SEMA5A: variants seen among roughly 807,000 people sequenced by gnomAD.
SEMA5A encodes the protein semaphorin 5A, also known as semaphorin-5A.
Under a neutral mutation model 135.5 loss-of-function variants are expected in SEMA5A, and 55 were observed. The ratio of observed to expected loss-of-function variants is 0.41; its 90% CI spans 0.33 to 0.51. The LOEUF (loss-of-function observed/expected upper bound fraction) is 0.51, where lower values mean the gene tolerates loss of function less well. Among genes scored for constraint, SEMA5A ranks in the 20% least tolerant of loss-of-function variants. The probability of loss-of-function intolerance (pLI) is 0.37; values close to 1 mark genes in which losing one functional copy is unlikely to be tolerated. For missense variants in SEMA5A, 1,290 were observed against 1,419.9 expected (o/e 0.91, Z 1.47); for synonymous variants, 580 against 546.5 (o/e 1.06, Z -0.85).
chr5:9,430,225 G>C (rs268480), intron 2 of SEMA5A, among the ~76,000 whole-genome samples: 2 of 152,024 alleles, frequency 1.3e-5, no homozygotes, highest in African/African-American at 2.4e-5. Context: ...TTAATAAAAT[G>C]AGGAACTCTA....
chr5:9,474,592 T>C (rs550264082), intron 1 of SEMA5A, among the ~76,000 whole-genome samples: 1 of 152,350 alleles, frequency 6.6e-6, no homozygotes, highest in Admixed American at 6.5e-5. Context: ...ACCCACCACG[T>C]GCAAGGCACA....
intron 3 of SEMA5A, among the ~76,000 whole-genome samples, chr5:9,377,415 A>G (rs1488689494): frequency 1.3e-5 from 2 of 152,176 alleles, no homozygotes; most frequent in Non-Finnish European, 2.9e-5. Flanking sequence ...TAATTAAACA[A>G]ATGATAGTAA....
chr5:9,360,614 G>A (rs2126371233), intron 3 of SEMA5A, among the ~76,000 whole-genome samples: 2 of 152,284 alleles, frequency 1.3e-5, no homozygotes, highest in South Asian at 4.1e-4. Flanking sequence ...AAACTGCAAT[G>A]AAAATAATGA....
At chr5:9,329,188 T>G (rs1753006161) in intron 4 of SEMA5A, among the ~76,000 whole-genome samples, 1 of 150,526 alleles carries the variant, frequency 6.6e-6, no homozygotes, top group African/African-American at 2.5e-5. Flanking sequence ...TTCAGGACCC[T>G]TTACTCAGGC....
intron 2 of SEMA5A, among the ~76,000 whole-genome samples, chr5:9,424,291 T>G (rs1757569451): frequency 6.6e-6 from 1 of 152,242 alleles, no homozygotes; most frequent in Admixed American, 6.5e-5. Context: ...TGGAGAATTT[T>G]GCTACTAAGA....
intron 2 of SEMA5A, among the ~76,000 whole-genome samples, chr5:9,435,817 C>T (rs1433487649): frequency 1.3e-5 from 2 of 152,194 alleles, no homozygotes; most frequent in Non-Finnish European, 2.9e-5. Flanking sequence ...GGCCTGTAAG[C>T]GCCAAAATGT....
chr5:9,540,203 G>A (rs1271570033), intron 1 of SEMA5A, among the ~76,000 whole-genome samples: 3 of 152,110 alleles, frequency 2.0e-5, no homozygotes, highest in Non-Finnish European at 2.9e-5. Context: ...ACACAGCTGC[G>A]AACAAAACAG....
chr5:9,315,891 TAC>T (rs2150661484), intron 5 of SEMA5A, among the ~76,000 whole-genome samples: 1 of 152,300 alleles, frequency 6.6e-6, no homozygotes, highest in African/African-American at 2.4e-5. Context: ...TATAGGTAAG[TAC>T]TTTAAGACTA....
intron 2 of SEMA5A, among the ~76,000 whole-genome samples, chr5:9,421,158 G>A (rs1025770739): frequency 6.6e-6 from 1 of 152,208 alleles, no homozygotes; most frequent in African/African-American, 2.4e-5. Flanking sequence ...CTAGTGTACT[G>A]CCTTCTGTAT....
chr5:9,243,692 G>A (rs1024958088), intron 5 of SEMA5A, among the ~76,000 whole-genome samples: 5 of 152,172 alleles, frequency 3.3e-5, no homozygotes, highest in African/African-American at 1.2e-4. Flanking sequence ...TTTAATGTGA[G>A]AGGTACTATT....
intron 11 of SEMA5A, among the ~76,000 whole-genome samples, chr5:9,176,938 C>A (rs867978469): frequency 3.3e-5 from 5 of 152,208 alleles, no homozygotes; most frequent in Admixed American, 6.5e-5. Context: ...TTAAAATATA[C>A]CCCATTGCTT....
intron 15 of SEMA5A, among the ~76,000 whole-genome samples, chr5:9,111,878 G>A (rs1351246661): frequency 6.6e-6 from 1 of 152,170 alleles, no homozygotes; most frequent in Non-Finnish European, 1.5e-5. Flanking sequence ...CCTGAGAGAA[G>A]CCCCTCTTAT....
chr5:9,511,160 C>A (rs1052811806), intron 1 of SEMA5A, among the ~76,000 whole-genome samples: 2 of 152,142 alleles, frequency 1.3e-5, no homozygotes, highest in East Asian at 1.9e-4. Context: ...ATAATATATT[C>A]TTTAACTCTT....
intron 11 of SEMA5A, among the ~76,000 whole-genome samples, chr5:9,189,673 G>A (rs140216170): frequency 4.4e-4 from 67 of 152,282 alleles, no homozygotes; most frequent in African/African-American, 1.5e-3. Context: ...ACCCAGAGCC[G>A]TCTGTGTAAT....
intron 5 of SEMA5A, among the ~76,000 whole-genome samples, chr5:9,269,085 C>T (rs1749834092): frequency 6.6e-6 from 1 of 152,100 alleles, no homozygotes; most frequent in Non-Finnish European, 1.5e-5. Flanking sequence ...ACACACAGCA[C>T]ATGTGGTGGG....
At chr5:9,458,143 G>A (rs1028956534) in intron 1 of SEMA5A, among the ~76,000 whole-genome samples, 9 of 151,698 alleles carry the variant, frequency 5.9e-5, no homozygotes, top group African/African-American at 9.7e-5. Flanking sequence ...TCCTGACCTC[G>A]TGATCCGCCC....
intron 5 of SEMA5A, among the ~76,000 whole-genome samples, chr5:9,290,722 G>A (rs1302306617): frequency 7.2e-5 from 11 of 152,094 alleles, no homozygotes; most frequent in Admixed American, 4.6e-4. Context: ...ATCCATTGAC[G>A]TTAAGCTTCA....
chr5:9,387,480 G>A lies in SEMA5A; in HGVS notation c.-77-7457C>T, dbSNP rs114725373. Among the ~76,000 whole-genome samples, 452 of 152,210 alleles carry A rather than the reference G, an allele frequency of 3.0e-3. 3 individuals carry two copies. Among genetic ancestry groups the A allele is most frequent in the African/African-American group, 1.0e-2 (415 of 41,544 alleles). ...TCGAAGTAGGAATAGAAGCAAAGTC[G>A]TCAGAAACAAAGAAGGAAGAAATCC... On this transcript the variant is annotated intron_variant, in intron 2 of 22. Coordinates refer to ENST00000382496, the MANE Select transcript of SEMA5A (RefSeq NM_003966.3).
intron 2 of SEMA5A, among the ~76,000 whole-genome samples, chr5:9,428,350 A>T (rs1757742214): frequency 6.6e-6 from 1 of 152,062 alleles, no homozygotes; most frequent in Non-Finnish European, 1.5e-5. Context: ...CGCTATTTTT[A>T]TGTTTAATAT....
Sources: gnomAD v4.1 joint callset for allele counts (sites outside exome capture counted in the v4.1 genomes callset) on GRCh38, gnomAD v4.1.1 for gene constraint, MANE v1.5 for transcripts, NCBI Gene and HGNC (gene_info 2026-07-23, HGNC 2026-07-21) for gene names.